The following KASH5 variants were observed in gnomAD, a reference collection of about 807,000 sequenced individuals.
KASH5 encodes protein KASH5.
KASH5 carries 72 observed loss-of-function variants against 84.2 expected under a neutral mutation model. The ratio of observed to expected loss-of-function variants is 0.85; its 90% CI spans 0.71 to 1.04. The LOEUF is 1.04. Among genes scored for constraint, KASH5 ranks in the 50% least tolerant of loss-of-function variants. The probability of loss-of-function intolerance (pLI) is 0.00; values close to 1 mark genes in which losing one functional copy is unlikely to be tolerated. For missense variants in KASH5, 650 were observed against 701.0 expected, an observed-to-expected ratio of 0.93 and a Z score of 0.82; for synonymous variants, 260 against 279.1, an observed-to-expected ratio of 0.93 and a Z score of 0.68.
At chr19:49,415,124 T>G (rs1381322328) in intron 17 of KASH5, 128 bp downstream of exon 17, 1 of 934,940 alleles carries the variant, frequency 1.1e-6, no homozygotes. Context: ...AAAAATCATT[T>G]GGCCAAGAGA....
Position 49,417,539 on chromosome 19 carries a change from TCTA to T in KASH5, c.*30_*32del, listed in dbSNP as rs1221032537. On this transcript the variant is annotated 3_prime_UTR_variant, in exon 20 of 20. Coordinates refer to ENST00000447857, the MANE Select transcript of KASH5 (RefSeq NM_144688.5). The surrounding 1 kb of genome is among the most constrained non-coding windows in gnomAD (Gnocchi z 5.2). ...GCTCTACTTGCCCCTCAGAGCAGTG[TCTA>T]GCTCAATAAATCCCCTGGCCCTCTC... 6.7e-7 allele frequency: 1 copy of T among 1,494,362 alleles called. No individual in the cohort carries two copies. The highest frequency in any genetic ancestry group is 9.0e-7 in the Non-Finnish European group (1 of 1,116,798). The allele number at this position is 1,494,362 out of a possible 1,614,324, so 92.6% of individuals were successfully genotyped here.
intron 2 of KASH5, among the ~76,000 whole-genome samples, chr19:49,394,231 G>A (rs905752914): frequency 2.0e-5 from 3 of 152,156 alleles, no homozygotes; most frequent in African/African-American, 4.8e-5. Context: ...GGGCTCCTAA[G>A]CCAATTGGAC....
intron 2 of KASH5, among the ~76,000 whole-genome samples, chr19:49,392,473 C>T (rs1215528419): frequency 1.3e-5 from 2 of 152,258 alleles, no homozygotes; most frequent in East Asian, 1.9e-4. Flanking sequence ...TCCTGGGATG[C>T]GACTTCAGAC....
At chr19:49,404,088 G>A (rs1053413788) in intron 9 of KASH5, among the ~76,000 whole-genome samples, 1 of 152,222 alleles carries the variant, frequency 6.6e-6, no homozygotes, top group East Asian at 1.9e-4. Context: ...TCCCTACCAG[G>A]TGGACAGATG....
chr19:49,398,149 C>A lies in KASH5; in HGVS notation c.629+6C>A. The A allele has an allele frequency of 6.4e-7, 1 of 1,562,494 alleles. No homozygotes were observed. Among genetic ancestry groups the A allele is most frequent in the Non-Finnish European group, 8.7e-7 (1 of 1,147,666 alleles). ...CTGCGTAAGCAGCTTCACAGGTGGG[C>A]TGGATGCCACACCCACCCTCCCCAG... is the stretch of plus-strand genomic sequence containing the variant. On this transcript the variant is annotated splice_donor_region_variant and intron_variant, in intron 7 of 19. Coordinates refer to ENST00000447857, the MANE Select transcript of KASH5 (RefSeq NM_144688.5).
chr19:49,415,074 A>G, intron 17 of KASH5, 78 bp downstream of exon 17: 2 of 1,385,774 alleles, frequency 1.4e-6, no homozygotes, highest in Non-Finnish European at 2.0e-6. Context: ...AACTCTTCCC[A>G]AGCCCCAGCC....
At chr19:49,397,922 G>A (rs1244696366) in intron 6 of KASH5, 60 bp from the exon 7 acceptor site, 3 of 1,574,268 alleles carry the variant, frequency 1.9e-6, no homozygotes, top group East Asian at 2.3e-5. Context: ...CACCTACCTC[G>A]ACCCGGGGAA....
Position 49,407,534 on chromosome 19 carries a change from G to A in KASH5, c.934-78G>A. On this transcript the variant is annotated intron_variant, in intron 11 of 19. Transcript: ENST00000447857. ...GCTCACCCTGTCCCTTAACCCCCCA[G>A]CCAGTCCCCCCGCCACCACCACCCC... 4.8e-6 allele frequency: 7 copies of A among 1,456,736 alleles called. No individual in the cohort carries two copies. In the South Asian group the frequency reaches 7.3e-5, roughly 15 times the overall value. The allele number at this position is 1,456,736 out of a possible 1,614,324, so 90.2% of individuals were successfully genotyped here.
At chr19:49,389,559 A>C (rs942606269) in intron 1 of KASH5, 1 of 152,122 alleles carries the variant, frequency 6.6e-6, no homozygotes, top group Non-Finnish European at 1.5e-5. Context: ...TGCACCCTGC[A>C]GGGTGTTCCA....
In KASH5 at chr19:49,397,691, C is replaced by T. The variant is rs1251890821; in HGVS notation, c.441C>T (p.Phe147=). Residue 147 remains phenylalanine, a synonymous_variant, in exon 6 of 20, where the codon TTC becomes TTT. Transcript: ENST00000447857. ...EAEEPANLES[F]GGEDPRPELQ... is the part of the protein sequence containing the mutation. ...AGGAGCCAGCCAACCTGGAGAGCTT[C>T]GGAGGCGAAGACCCCAGACCCGAGC... is the stretch of plus-strand genomic sequence containing the variant. The T allele has an allele frequency of 6.2e-6, 10 of 1,613,648 alleles. No homozygotes were observed. The highest frequency in any genetic ancestry group is 5.0e-5 in the Admixed American group (3 of 59,984).
rs1974698649 is a variant in KASH5, at chr19:49,411,206, G to A, written c.1269+1331G>A. Among the ~76,000 whole-genome samples the A allele has an allele frequency of 2.0e-5, 3 of 151,894 alleles. No homozygotes were observed. In the South Asian group the frequency reaches 6.2e-4, roughly 32 times the overall value. ...GCCTACCTCAGTCTCCTAGAGTGCT[G>A]GGATTACAGGCATGAGCCACTGCTC... On this transcript the variant is annotated intron_variant, in intron 15 of 19. Transcript: ENST00000447857.
chr19:49,397,862 C>T (rs1974232794), intron 6 of KASH5, 120 bp from the exon 7 acceptor site: 1 of 1,417,120 alleles, frequency 7.1e-7, no homozygotes, highest in East Asian at 2.3e-5. Flanking sequence ...GCAGAGGAGT[C>T]TCTCTCCTGT....
rs374437543 is a variant in KASH5, at chr19:49,409,210, C to T, written c.1073C>T (p.Ala358Val). The change falls in exon 14 of 20, where the codon GCC becomes GTC. Residue 358 changes from alanine to valine, a missense_variant. Coordinates refer to ENST00000447857, the MANE Select transcript of KASH5 (RefSeq NM_144688.5). ...YEGPDELPEGAQLRRVGWTEL... is the reference protein window; with the variant it reads ...YEGPDELPEGVQLRRVGWTEL... ...TGTGTGGCCAGGCTACCTGAAGGGG[C>T]CCAGCTGAGAAGAGTGGGCTGGACC... The T allele has an allele frequency of 1.2e-6, 2 of 1,613,734 alleles. No homozygotes were observed. The highest frequency in any genetic ancestry group is 1.1e-5 in the South Asian group (1 of 91,058).
At chr19:49,398,175 C>T (rs1483544752) in intron 7 of KASH5, 32 bp downstream of exon 7, 4 of 1,532,780 alleles carry the variant, frequency 2.6e-6, no homozygotes, top group Admixed American at 3.8e-5. Context: ...CCCTCCCCAG[C>T]GCCCCTGCCT....
intron 5 of KASH5, 128 bp from the exon 6 acceptor site, chr19:49,397,523 A>G (rs1974219415): frequency 1.3e-6 from 1 of 798,590 alleles, no homozygotes; most frequent in Non-Finnish European, 2.1e-6. Context: ...TGCAGCCCCA[A>G]AAGCCCATGA....
intron 2 of KASH5, among the ~76,000 whole-genome samples, chr19:49,393,103 T>C (rs1357566482): frequency 2.0e-5 from 3 of 152,186 alleles, no homozygotes; most frequent in Non-Finnish European, 4.4e-5. Context: ...TTGACTCATA[T>C]GTTAAACAGG....
intron 3 of KASH5, 82 bp downstream of exon 3, chr19:49,394,662 G>A (rs938591042): frequency 9.1e-7 from 1 of 1,098,436 alleles, no homozygotes; most frequent in African/African-American, 1.5e-5. Context: ...TCAGAGAGAA[G>A]ACTGGGCTAA....
chr19:49,401,166 C>G (rs1974349560), intron 9 of KASH5, among the ~76,000 whole-genome samples: 1 of 152,166 alleles, frequency 6.6e-6, no homozygotes, highest in South Asian at 2.1e-4. Flanking sequence ...TGGGCTGGGA[C>G]TCTTACTCCA....
At chr19:49,409,987 GA>G in intron 15 of KASH5, 112 bp downstream of exon 15, 1 of 1,403,374 alleles carries the variant, frequency 7.1e-7, no homozygotes, top group Non-Finnish European at 9.7e-7. Flanking sequence ...CATTTGATGA[GA>G]AAATGTTAAT....
Sources: allele counts gnomAD v4.1 joint callset (sites outside exome capture counted in the v4.1 genomes callset), GRCh38; gene constraint gnomAD v4.1.1; non-coding constraint Gnocchi (gnomAD v3.1); transcripts MANE v1.5; gene names NCBI Gene and HGNC (gene_info 2026-07-23, HGNC 2026-07-21).